Variants in PCDHGB6 observed in about 807,000 individuals in gnomAD.
PCDHGB6 encodes protocadherin gamma-B6.
PCDHGB6 carries 51 observed loss-of-function variants against 59.1 expected under a neutral mutation model. The ratio of observed to expected loss-of-function variants is 0.86; its 90% CI spans 0.69 to 1.09. The LOEUF (loss-of-function observed/expected upper bound fraction) is 1.09. PCDHGB6 is among the 50% of genes least tolerant of loss of function. The probability of loss-of-function intolerance (pLI) is 0.00; values close to 1 mark genes in which losing one functional copy is unlikely to be tolerated. For synonymous variants in PCDHGB6, 466 were observed against 495.1 expected, an observed-to-expected ratio of 0.94 and a Z score of 0.78; for missense variants, 1,148 against 1,205.1, an observed-to-expected ratio of 0.95 and a Z score of 0.70.
chr5:141,505,513 G>A lies in PCDHGB6; in HGVS notation c.2566+32G>A, dbSNP rs1157816684. ...GGTGTCAGTGTGTGTATGGAAGAGT[G>A]GGAGACCTGGGGTTCTGGGGTGCAT... On this transcript the variant is annotated intron_variant, in intron 3 of 3. Coordinates refer to ENST00000520790, the MANE Select transcript of PCDHGB6 (RefSeq NM_018926.3). The A allele has an allele frequency of 3.1e-6, 5 of 1,613,710 alleles. No homozygotes were observed. In the South Asian group the frequency reaches 3.3e-5, roughly 11 times the overall value.
intron 1 of PCDHGB6, chr5:141,433,041 C>G (rs1171788078): frequency 6.2e-7 from 1 of 1,614,036 alleles, no homozygotes; most frequent in Non-Finnish European, 8.5e-7. Flanking sequence ...TCCCTCACCA[C>G]GGACTCGCGG....
chr5:141,486,083 C>T lies in PCDHGB6; in HGVS notation c.2419-8724C>T, dbSNP rs367657659. On this transcript the variant is annotated intron_variant, in intron 1 of 3. Coordinates refer to ENST00000520790, the MANE Select transcript of PCDHGB6 (RefSeq NM_018926.3). This position sits in a 1 kb window ranked among gnomAD's most constrained non-coding sequence, Gnocchi z 5.0. ...GCACCCCACTACTGGAAAGCTTACTCTTTTGGGGCCCCTAGACTTTGAGAG... is the reference window on the plus strand; with the variant it reads ...GCACCCCACTACTGGAAAGCTTACTTTTTTGGGGCCCCTAGACTTTGAGAG... The T allele has an allele frequency of 1.2e-6, 2 of 1,614,062 alleles. No individual in the cohort carries two copies. Among genetic ancestry groups the T allele is most frequent in the Non-Finnish European group, 1.7e-6 (2 of 1,180,040 alleles).
At chr5:141,482,956 CCAGCTACTTGAG>C (rs6149271) in intron 1 of PCDHGB6, among the ~76,000 whole-genome samples, 62,216 of 151,640 alleles carry the variant, frequency 0.41, 15,336 homozygotes, top group African/African-American at 0.7. Context: ...GCCTGTAATT[CCAGCTACTTGAG>C]CAGCTACTTG....
chr5:141,408,747 T>C lies in PCDHGB6; in HGVS notation c.545T>C (p.Val182Ala), dbSNP rs1589683971. 1 of 1,609,868 alleles carries C rather than the reference T, an allele frequency of 6.2e-7. No homozygotes were observed. Among genetic ancestry groups the C allele is most frequent in the Non-Finnish European group, 8.5e-7 (1 of 1,177,706 alleles). ...TCTAATCCTTATTTTTCATTAATGG[T>C]TAGAGTTAATTCCGATGGTGGCAAA... ...INSNPYFSLM[V>A]RVNSDGGKYP... The change falls in exon 1 of 4, where the codon GTT (valine) becomes GCT (alanine). Residue 182 changes from valine to alanine, a missense_variant. Transcript: ENST00000520790.
intron 1 of PCDHGB6, chr5:141,413,907 G>C (rs745956130): frequency 6.2e-7 from 1 of 1,613,270 alleles, no homozygotes; most frequent in Non-Finnish European, 8.5e-7. Context: ...ACAACGCGCC[G>C]GTCTTCACCT....
intron 1 of PCDHGB6, chr5:141,423,760 G>A: frequency 1.1e-5 from 3 of 279,660 alleles, no homozygotes; most frequent in Non-Finnish European, 1.1e-5. Flanking sequence ...TGGGGGGGGG[G>A]TGGGGCGGCA....
At chr5:141,415,477 C>T in intron 1 of PCDHGB6, 1 of 1,614,184 alleles carries the variant, frequency 6.2e-7, no homozygotes, top group Non-Finnish European at 8.5e-7. Flanking sequence ...CGCGGACTCG[C>T]GAAAGAGTCA....
Position 141,490,973 on chromosome 5 carries a change from G to A in PCDHGB6, c.2419-3834G>A, listed in dbSNP as rs774983500. 5.0e-6 allele frequency: 8 copies of A among 1,613,932 alleles called. No homozygotes were observed. The highest frequency in any genetic ancestry group is 2.2e-5 in the East Asian group (1 of 44,878). On this transcript the variant is annotated intron_variant, in intron 1 of 3. Transcript: ENST00000520790. The surrounding 1 kb of genome is among the most constrained non-coding windows in gnomAD (Gnocchi z 5.4). ...GACTGGGAACACTCAGCCCCCCAGC[G>A]TCTCCCTCGCTCTGCTCCTCCTGGC...
chr5:141,487,718 A>G lies in PCDHGB6; in HGVS notation c.2419-7089A>G. Reference sequence around the variant, plus strand: ...TACTGGCCTCTCAGTAAGTGCCCATAGTGATGTCACCATTTTTGTAAGAGG... The same window carrying G: ...TACTGGCCTCTCAGTAAGTGCCCATGGTGATGTCACCATTTTTGTAAGAGG... On this transcript the variant is annotated intron_variant, in intron 1 of 3. Coordinates refer to ENST00000520790, the MANE Select transcript of PCDHGB6 (RefSeq NM_018926.3). The surrounding 1 kb of genome is among the most constrained non-coding windows in gnomAD (Gnocchi z 5.0). The G allele has an allele frequency of 1.3e-6, 2 of 1,580,268 alleles. No individual in the cohort carries two copies. The highest frequency in any genetic ancestry group is 1.7e-6 in the Non-Finnish European group (2 of 1,161,186).
In PCDHGB6 at chr5:141,409,485, G is replaced by A. The variant is rs374642418; in HGVS notation, c.1283G>A (p.Gly428Asp). Residue 428 changes from glycine to aspartate, a missense_variant, in exon 1 of 4, where the codon GGC (glycine) becomes GAC (aspartate). By Grantham distance (94) the Gly-to-Asp change is moderately conservative. Coordinates refer to ENST00000520790, the MANE Select transcript of PCDHGB6 (RefSeq NM_018926.3). ...GTCACCATCGTAGCCACTGACAGGG[G>A]CAAGCCGCCTCTTTCTTCCAGTAGA... ...YNVTIVATDR[G>D]KPPLSSSRSI... 9.9e-6 allele frequency: 16 copies of A among 1,613,856 alleles called. No homozygotes were observed. Among genetic ancestry groups the A allele is most frequent in the African/African-American group, 9.3e-5 (7 of 74,934 alleles).
chr5:141,467,811 A>T (rs562932160), intron 1 of PCDHGB6, among the ~76,000 whole-genome samples: 1 of 152,164 alleles, frequency 6.6e-6, no homozygotes, highest in African/African-American at 2.4e-5. Flanking sequence ...GGCACATGCC[A>T]CCACACCAGG....
At position 141,486,882 on chromosome 5, in the gene PCDHGB6, C is replaced by T; in HGVS notation, c.2419-7925C>T. The T allele has an allele frequency of 6.2e-7, 1 of 1,614,244 alleles. No individual in the cohort carries two copies. The highest frequency in any genetic ancestry group is 1.1e-5 in the South Asian group (1 of 91,086). On this transcript the variant is annotated intron_variant, in intron 1 of 3. Transcript: ENST00000520790. This position sits in a 1 kb window ranked among gnomAD's most constrained non-coding sequence, Gnocchi z 5.0. ...GCTCCAGCTGTGCTCCGTCCTCGGG[C>T]CCGGCCTGGTTCCTTATGTCCCCAA...
rs61612330 is a variant in PCDHGB6, at chr5:141,454,796, A to ATTTTTTTTTTTTTTTTTTTTTTTTTT, written c.2419-40007_2419-39982dup. Among the ~76,000 whole-genome samples, 3 of 77,456 alleles carry ATTTTTTTTTTTTTTTTTTTTTTTTTT rather than the reference A, an allele frequency of 3.9e-5. 1 individual carries two copies. The highest frequency in any genetic ancestry group is 1.2e-4 in the African/African-American group (2 of 16,882). 50.8% of individuals were successfully genotyped at this position (77,456 alleles called of 152,430 possible). A position where few individuals can be genotyped will look rare whatever the true frequency, so the allele number is the denominator to read the frequency against. On this transcript the variant is annotated intron_variant, in intron 1 of 3. Transcript: ENST00000520790. Reference sequence around the variant, plus strand: ...AAGGAAATAATCCTCCATGGTTCTAATTTTTTTTTTTTTTTTTTTTTTTTT... The same window carrying ATTTTTTTTTTTTTTTTTTTTTTTTTT: ...AAGGAAATAATCCTCCATGGTTCTAATTTTTTTTTTTTTTTTTTTTTTTTTTTTTTTTTTTTTTTTTTTTTTTTTTT...
At chr5:141,447,696 G>A (rs1273958794) in intron 1 of PCDHGB6, among the ~76,000 whole-genome samples, 1 of 152,096 alleles carries the variant, frequency 6.6e-6, no homozygotes, top group Non-Finnish European at 1.5e-5. Context: ...TAGAGGGATG[G>A]GTTATAAGGA....
At chr5:141,439,473 G>T (rs1414737627) in intron 1 of PCDHGB6, among the ~76,000 whole-genome samples, 2 of 152,202 alleles carry the variant, frequency 1.3e-5, no homozygotes, top group South Asian at 2.1e-4. Context: ...CTGCCTTTCA[G>T]CTTGCAAATT....
At chr5:141,423,557 G>C in intron 1 of PCDHGB6, 2 of 1,613,654 alleles carry the variant, frequency 1.2e-6, no homozygotes, top group Non-Finnish European at 1.7e-6. Context: ...CCCAACTATG[G>C]GGACACGCTC....
chr5:141,431,731 T>G lies in PCDHGB6; in HGVS notation c.2418+21111T>G. 6.2e-7 allele frequency: 1 copy of G among 1,614,210 alleles called. No homozygotes were observed. The highest frequency in any genetic ancestry group is 8.5e-7 in the Non-Finnish European group (1 of 1,180,034). Reference sequence around the variant, plus strand: ...AGATGGAAGTGCAAGCAATGGATAATGCAGGATATTCTGCGCGAGCCAAAG... The same window carrying G: ...AGATGGAAGTGCAAGCAATGGATAAGGCAGGATATTCTGCGCGAGCCAAAG... On this transcript the variant is annotated intron_variant, in intron 1 of 3. Coordinates refer to ENST00000520790, the MANE Select transcript of PCDHGB6 (RefSeq NM_018926.3). The surrounding 1 kb of genome is among the most constrained non-coding windows in gnomAD (Gnocchi z 4.8).
Position 141,490,520 on chromosome 5 carries a change from G to A in PCDHGB6, c.2419-4287G>A. 1 of 1,614,072 alleles carries A rather than the reference G, an allele frequency of 6.2e-7. No individual in the cohort carries two copies. Among genetic ancestry groups the A allele is most frequent in the Non-Finnish European group, 8.5e-7 (1 of 1,180,014 alleles). ...CACTATATCATCGAGCTGCTGGCCAGCGATGCTGGTTCACCTTCCCTACAC... is the reference window on the plus strand; with the variant it reads ...CACTATATCATCGAGCTGCTGGCCAACGATGCTGGTTCACCTTCCCTACAC... On this transcript the variant is annotated intron_variant, in intron 1 of 3. Coordinates refer to ENST00000520790, the MANE Select transcript of PCDHGB6 (RefSeq NM_018926.3). The surrounding 1 kb of genome is among the most constrained non-coding windows in gnomAD (Gnocchi z 5.4).
rs778054090 is a variant in PCDHGB6 at position 141,505,509 on chromosome 5, G to C, written c.2566+28G>C. On this transcript the variant is annotated intron_variant, in intron 3 of 3. Coordinates refer to ENST00000520790, the MANE Select transcript of PCDHGB6 (RefSeq NM_018926.3). ...AAGTGGTGTCAGTGTGTGTATGGAA[G>C]AGTGGGAGACCTGGGGTTCTGGGGT... The C allele has an allele frequency of 3.7e-6, 6 of 1,614,058 alleles. No homozygotes were observed. The East Asian group carries it at 1.1e-4, about 30-fold the overall frequency.
Sources: gnomAD v4.1 joint callset for allele counts (sites outside exome capture counted in the v4.1 genomes callset) on GRCh38, gnomAD v4.1.1 for gene constraint, Gnocchi (gnomAD v3.1) non-coding constraint, MANE v1.5 for transcripts, NCBI Gene and HGNC (gene_info 2026-07-23, HGNC 2026-07-21) for gene names.